The following GRHL3 variants were observed in gnomAD, a reference collection of about 807,000 sequenced individuals.
The protein encoded by GRHL3 is grainyhead-like protein 3 homolog.
A neutral mutation model predicts 70.3 loss-of-function variants in GRHL3; 20 were observed. The ratio of observed to expected loss-of-function variants is 0.28; its 90% CI spans 0.20 to 0.41. The LOEUF is 0.41. GRHL3 is among the 10% of genes least tolerant of loss of function. GRHL3 has a pLI of 1.00. For missense variants in GRHL3, 637 were observed against 762.3 expected (o/e 0.84, Z 1.94); for synonymous variants, 299 against 299.9 (o/e 1.00, Z 0.03).
rs547332747 is a variant in GRHL3 at position 24,345,442 on chromosome 1, C to G, written c.1454+511C>G. Among the ~76,000 whole-genome samples, 4 of 151,504 alleles carry G rather than the reference C, an allele frequency of 2.6e-5. No individual in the cohort carries two copies. The South Asian group carries it at 8.4e-4, about 32-fold the overall frequency. On this transcript the variant is annotated intron_variant, in intron 12 of 15. Coordinates refer to ENST00000361548, the MANE Select transcript of GRHL3 (RefSeq NM_198173.3). ...AAGCCACCAGCTTCTGCCCCCAGCCCCCAAGCTAGATCCATGCTTCTTTCT... is the reference window on the plus strand; with the variant it reads ...AAGCCACCAGCTTCTGCCCCCAGCCGCCAAGCTAGATCCATGCTTCTTTCT...
chr1:24,334,760 G>C lies in GRHL3; in HGVS notation c.266+54G>C, dbSNP rs1639732329. 7 of 1,455,222 alleles carry C rather than the reference G, an allele frequency of 4.8e-6. No homozygotes were observed. Among genetic ancestry groups the C allele is most frequent in the Non-Finnish European group, 6.7e-6 (7 of 1,045,960 alleles). 90.1% of individuals were successfully genotyped at this position (1,455,222 alleles called of 1,614,324 possible). ...TTGCCCTTCCCCACCTCCACCTGGAGCCTCTTCCACACAGGTTTGACTTAT... is the reference window on the plus strand; with the variant it reads ...TTGCCCTTCCCCACCTCCACCTGGACCCTCTTCCACACAGGTTTGACTTAT... On this transcript the variant is annotated intron_variant, in intron 3 of 15. Coordinates refer to ENST00000361548, the MANE Select transcript of GRHL3 (RefSeq NM_198173.3). This position sits in a 1 kb window ranked among gnomAD's most constrained non-coding sequence, Gnocchi z 4.3.
chr1:24,327,652 C>T (rs902272822), intron 1 of GRHL3, among the ~76,000 whole-genome samples: 1 of 152,208 alleles, frequency 6.6e-6, no homozygotes, highest in South Asian at 2.1e-4. Flanking sequence ...GACAAGGACA[C>T]CAACAGAGAG....
In GRHL3 at chr1:24,354,413, C is replaced by T. The variant is rs1640633873; in HGVS notation, c.1734C>T (p.Tyr578=). ...TGGACAACAACATCATTCAGCATTA[C>T]AGCAACCACGTCGCCTTCCTGCTGG... ...VNMDNNIIQH[Y]SNHVAFLLDM... The change falls in exon 16 of 16, where the codon TAC becomes TAT. Residue 578 remains tyrosine (Y), a synonymous_variant. Transcript: ENST00000361548. 2 of 1,613,806 alleles carry T rather than the reference C, an allele frequency of 1.2e-6. No homozygotes were observed. Among genetic ancestry groups the T allele is most frequent in the Admixed American group, 3.3e-5 (2 of 60,010 alleles).
At chr1:24,329,256 G>T (rs962590214) in intron 1 of GRHL3, among the ~76,000 whole-genome samples, 2 of 152,198 alleles carry the variant, frequency 1.3e-5, no homozygotes, top group East Asian at 1.9e-4. Context: ...GGATGAAGCC[G>T]CTGGGAGAGC....
At chr1:24,339,798 G>T in intron 8 of GRHL3, 36 bp downstream of exon 8, 1 of 1,421,854 alleles carries the variant, frequency 7.0e-7, no homozygotes, top group Non-Finnish European at 9.8e-7. Flanking sequence ...ATGGGACTGG[G>T]CTGCCTGGAA....
At chr1:24,341,970 G>A (rs550432940) in intron 8 of GRHL3, 145 bp from the exon 9 acceptor site, 7 of 671,390 alleles carry the variant, frequency 1.0e-5, no homozygotes, top group South Asian at 2.9e-5. Context: ...TGAAAGAGGA[G>A]TGCTGATGTT....
rs188786965 is a variant in GRHL3 at position 24,321,550 on chromosome 1, G to T, written c.17+1982G>T. 6.6e-6 allele frequency: 1 copy of T among 152,376 alleles called. No homozygotes were observed. Among genetic ancestry groups the T allele is most frequent in the African/African-American group, 2.4e-5 (1 of 41,572 alleles). The allele number at this position is 152,376 out of a possible 1,614,324, so 9.4% of individuals were successfully genotyped here. A position where few individuals can be genotyped will look rare whatever the true frequency, so the allele number is the denominator to read the frequency against. ...AACTCTGGCCAGGCCTTGATATAGTGGCAAAAGTGGGACTTGCCTGTCACT... is the reference window on the plus strand; with the variant it reads ...AACTCTGGCCAGGCCTTGATATAGTTGCAAAAGTGGGACTTGCCTGTCACT... On this transcript the variant is annotated intron_variant, in intron 1 of 15. Transcript: ENST00000361548. This position sits in a 1 kb window ranked among gnomAD's most constrained non-coding sequence, Gnocchi z 4.0.
At chr1:24,345,722 C>T (rs1435716527) in intron 12 of GRHL3, among the ~76,000 whole-genome samples, 1 of 152,198 alleles carries the variant, frequency 6.6e-6, no homozygotes. Flanking sequence ...TGTGTCCTTC[C>T]CTCTGTCAGT....
At chr1:24,343,090 G>T in intron 11 of GRHL3, 65 bp downstream of exon 11, 1 of 1,600,166 alleles carries the variant, frequency 6.2e-7, no homozygotes, top group Non-Finnish European at 8.6e-7. Flanking sequence ...GGTGGGGCCT[G>T]CCTTAGCACA....
rs373376626 is a variant in GRHL3, at chr1:24,354,497, G to T, written c.*9G>T. On this transcript the variant is annotated 3_prime_UTR_variant, in exon 16 of 16. Transcript: ENST00000361548. ...TCCTTAAGGAGCTGTAAGGCCTCTC[G>T]AGCATCCAAACCCTCACGACCTGCA... 1 of 1,580,262 alleles carries T rather than the reference G, an allele frequency of 6.3e-7. No individual in the cohort carries two copies. Among genetic ancestry groups the T allele is most frequent in the South Asian group, 1.1e-5 (1 of 90,354 alleles).
chr1:24,337,556 C>T, intron 5 of GRHL3, 80 bp from the exon 6 acceptor site: 6 of 1,448,600 alleles, frequency 4.1e-6, no homozygotes, highest in Non-Finnish European at 4.8e-6. Flanking sequence ...AACATAGCCT[C>T]AGGCTTCCTG....
chr1:24,364,466 T>C (rs1419540756), exon 16 of GRHL3: 1 of 1,403,000 alleles, frequency 7.1e-7, no homozygotes, highest in Non-Finnish European at 9.3e-7. Context: ...ATTCTGGCTA[T>C]TACTTTGCAT....
rs1021884651 is a variant in GRHL3 at position 24,354,738 on chromosome 1, A to G, written c.*250A>G. Reference sequence around the variant, plus strand: ...CCTGCCAGTGCCTCCCCGTACCCCAAAACAATGTCACCATGGTTACCACCT... The same window carrying G: ...CCTGCCAGTGCCTCCCCGTACCCCAGAACAATGTCACCATGGTTACCACCT... On this transcript the variant is annotated 3_prime_UTR_variant, in exon 16 of 16. Transcript: ENST00000361548. The G allele has an allele frequency of 2.5e-6, 1 of 399,710 alleles. No homozygotes were observed. The highest frequency in any genetic ancestry group is 2.9e-5 in the South Asian group (1 of 33,978). 24.8% of individuals were successfully genotyped at this position (399,710 alleles called of 1,614,324 possible).
chr1:24,360,778 A>G, intron 15 of GRHL3: 1 of 1,379,448 alleles, frequency 7.2e-7, no homozygotes. Context: ...AATCAATGGC[A>G]TTTGATGACC....
At chr1:24,358,733 A>G, downstream of GRHL3, 4 of 712,382 alleles carry the variant, frequency 5.6e-6, no homozygotes, top group South Asian at 7.1e-5. Flanking sequence ...CAGCCCCTGT[A>G]TCTTACACGT....
Position 24,322,260 on chromosome 1 carries a change from T to C in GRHL3, c.17+2692T>C, listed in dbSNP as rs1639222204. Among the ~76,000 whole-genome samples, 1 of 152,014 alleles carries C rather than the reference T, an allele frequency of 6.6e-6. No individual in the cohort carries two copies. Among genetic ancestry groups the C allele is most frequent in the South Asian group, 2.1e-4 (1 of 4,822 alleles). On this transcript the variant is annotated intron_variant, in intron 1 of 15. Transcript: ENST00000361548. The surrounding 1 kb of genome is among the most constrained non-coding windows in gnomAD (Gnocchi z 4.4). ...CACCGCTGCCGCCTGGAGTCTCCCC[T>C]CAGCCTCGCAGAGACGCGACTCGGT...
chr1:24,334,725 C>T lies in GRHL3; in HGVS notation c.266+19C>T. The T allele has an allele frequency of 6.2e-7, 1 of 1,602,714 alleles. No individual in the cohort carries two copies. The highest frequency in any genetic ancestry group is 8.5e-7 in the Non-Finnish European group (1 of 1,173,832). ...GAAAGAGGTGAGGCTTGCCAACACC[C>T]TCTGCCTCTTTGCCCTTCCCCACCT... On this transcript the variant is annotated intron_variant, in intron 3 of 15. Coordinates refer to ENST00000361548, the MANE Select transcript of GRHL3 (RefSeq NM_198173.3). This position sits in a 1 kb window ranked among gnomAD's most constrained non-coding sequence, Gnocchi z 4.3.
At chr1:24,335,677 GGT>G (rs1229443326) in intron 3 of GRHL3, among the ~76,000 whole-genome samples, 1 of 151,868 alleles carries the variant, frequency 6.6e-6, no homozygotes, top group Non-Finnish European at 1.5e-5. Flanking sequence ...CCGTCTCCCG[GGT>G]TCAAGCCATT....
At chr1:24,360,807 C>G in intron 15 of GRHL3, 1 of 1,523,964 alleles carries the variant, frequency 6.6e-7, no homozygotes, top group South Asian at 1.3e-5. Context: ...ACAAACAGTT[C>G]CAGAAGATTT....
Sources: gnomAD v4.1 joint callset for allele counts (sites outside exome capture counted in the v4.1 genomes callset) on GRCh38, gnomAD v4.1.1 for gene constraint, Gnocchi (gnomAD v3.1) non-coding constraint, MANE v1.5 for transcripts, NCBI Gene and HGNC (gene_info 2026-07-23, HGNC 2026-07-21) for gene names.